Variants in PRKCH observed in about 807,000 individuals in gnomAD.
PRKCH encodes protein kinase C eta.
PRKCH carries 28 observed loss-of-function variants against 82.5 expected under a neutral mutation model. The ratio of observed to expected loss-of-function variants is 0.34; its 90% CI spans 0.25 to 0.47. The LOEUF (loss-of-function observed/expected upper bound fraction) is 0.47. PRKCH is among the 20% of genes least tolerant of loss of function. PRKCH has a pLI of 1.00. For synonymous variants in PRKCH, 322 were observed against 327.4 expected (o/e 0.98, Z 0.18); for missense variants, 705 against 881.8 (o/e 0.80, Z 2.54).
chr14:61,258,916 G>A (rs2045021878), intron 1 of PRKCH, among the ~76,000 whole-genome samples: 1 of 152,168 alleles, frequency 6.6e-6, no homozygotes, highest in Non-Finnish European at 1.5e-5. Flanking sequence ...GTTAGTCTCA[G>A]TGATTGTTAG....
intron 2 of PRKCH, among the ~76,000 whole-genome samples, chr14:61,400,054 A>G (rs1237871784): frequency 2.0e-5 from 3 of 152,206 alleles, no homozygotes; most frequent in East Asian, 3.8e-4. Flanking sequence ...GCAGTGCACA[A>G]TGGTGCAGAA....
intron 9 of PRKCH, among the ~76,000 whole-genome samples, chr14:61,473,348 G>A (rs948173665): frequency 6.6e-6 from 1 of 152,134 alleles, no homozygotes; most frequent in East Asian, 1.9e-4. Context: ...AAGTGAGGGA[G>A]TAACATAAGA....
intron 1 of PRKCH, among the ~76,000 whole-genome samples, chr14:61,288,094 A>G (rs1404621224): frequency 6.6e-6 from 1 of 152,196 alleles, no homozygotes; most frequent in African/African-American, 2.4e-5. Context: ...TCTAACAGCC[A>G]TAAACTAGGG....
chr14:61,341,279 G>A (rs1005749676), intron 1 of PRKCH, among the ~76,000 whole-genome samples: 19 of 152,160 alleles, frequency 1.2e-4, no homozygotes, highest in Non-Finnish European at 2.8e-4. Flanking sequence ...CTCTGCTCAT[G>A]TCTAATTCAC....
At chr14:61,210,997 T>C (rs1351254682) in intron 1 of PRKCH, among the ~76,000 whole-genome samples, 1 of 152,158 alleles carries the variant, frequency 6.6e-6, no homozygotes, top group Non-Finnish European at 1.5e-5. Flanking sequence ...GCATCTTGTG[T>C]TGGGGCAGCA....
chr14:61,374,108 C>T (rs1267635144), intron 1 of PRKCH, among the ~76,000 whole-genome samples: 2 of 152,100 alleles, frequency 1.3e-5, no homozygotes, highest in Admixed American at 6.5e-5. Context: ...GGCTACAGGC[C>T]CCATGCAAGT....
chr14:61,352,703 AAAGAAAG>A (rs2046097395), intron 1 of PRKCH, among the ~76,000 whole-genome samples: 2 of 148,498 alleles, frequency 1.3e-5, no homozygotes, highest in Admixed American at 1.3e-4. Context: ...AGAAAGAAAG[AAAGAAAG>A]AAAGAAAGAA....
intron 2 of PRKCH, among the ~76,000 whole-genome samples, chr14:61,425,413 A>G (rs1230160057): frequency 6.6e-6 from 1 of 152,208 alleles, no homozygotes; most frequent in Non-Finnish European, 1.5e-5. Flanking sequence ...ACATGGAGTC[A>G]AAGGAGATCA....
At chr14:61,233,704 G>A (rs1328820968) in intron 1 of PRKCH, among the ~76,000 whole-genome samples, 2 of 152,142 alleles carry the variant, frequency 1.3e-5, no homozygotes, top group Non-Finnish European at 2.9e-5. Context: ...AGATCTGATG[G>A]TTTTATAAGG....
At chr14:61,509,869 C>T (rs1887301231) in intron 10 of PRKCH, among the ~76,000 whole-genome samples, 1 of 152,070 alleles carries the variant, frequency 6.6e-6, no homozygotes, top group Non-Finnish European at 1.5e-5. Context: ...GAGCCAAGAT[C>T]GTGTCACTGC....
intron 12 of PRKCH, among the ~76,000 whole-genome samples, chr14:61,547,357 T>A (rs1393717497): frequency 1.3e-5 from 2 of 152,166 alleles, no homozygotes; most frequent in Admixed American, 6.5e-5. Flanking sequence ...GGCACAGCTG[T>A]TTCTGAAAGT....
upstream of PRKCH, among the ~76,000 whole-genome samples, chr14:61,319,770 G>A (rs79058181): frequency 1.4e-3 from 219 of 152,276 alleles, no homozygotes; most frequent in African/African-American, 5.1e-3. Flanking sequence ...GGAGCCCCCT[G>A]GACGTTTGGG....
chr14:61,480,981 C>T (rs1221199932), intron 9 of PRKCH, among the ~76,000 whole-genome samples: 4 of 152,092 alleles, frequency 2.6e-5, no homozygotes, highest in African/African-American at 9.7e-5. Flanking sequence ...GGAATTGACT[C>T]CTCTCAGAAG....
intron 10 of PRKCH, among the ~76,000 whole-genome samples, chr14:61,492,497 G>C (rs1886490059): frequency 6.6e-6 from 1 of 152,212 alleles, no homozygotes; most frequent in African/African-American, 2.4e-5. Flanking sequence ...CTCATCTGCT[G>C]TTTGCTTTCC....
rs112536178 is a variant in PRKCH, at chr14:61,424,233, T to C, written c.428-18878T>C. On this transcript the variant is annotated intron_variant, in intron 2 of 13. Transcript: ENST00000332981. ...AGAATGGACTAATATAGTAAATTGG[T>C]ACTGATAGAGTGGGGTACTGCTATA... Among the ~76,000 whole-genome samples, 458 of 152,330 alleles carry C rather than the reference T, an allele frequency of 3.0e-3. 2 individuals are homozygous for C. The highest frequency in any genetic ancestry group is 0.011 in the African/African-American group (450 of 41,564).
chr14:61,259,977 A>G (rs2045031999), intron 1 of PRKCH, among the ~76,000 whole-genome samples: 1 of 152,242 alleles, frequency 6.6e-6, no homozygotes, highest in Non-Finnish European at 1.5e-5. Context: ...GAGGGTTCAC[A>G]GATTTCACCA....
intron 9 of PRKCH, among the ~76,000 whole-genome samples, chr14:61,460,990 A>G (rs1280993612): frequency 6.6e-6 from 1 of 152,024 alleles, no homozygotes; most frequent in African/African-American, 2.4e-5. Context: ...AAGGAGATAC[A>G]TGGCTTGGAC....
chr14:61,236,710 C>CAAAAA lies in PRKCH; in HGVS notation c.-19+49059_-19+49063dup, dbSNP rs35185475. 9.9e-3 allele frequency among the ~76,000 whole-genome samples: 861 copies of CAAAAA among 86,992 alleles called. 13 individuals are homozygous for CAAAAA. Among genetic ancestry groups the CAAAAA allele is most frequent in the African/African-American group, 0.021 (404 of 19,042 alleles). The allele number at this position is 86,992 out of a possible 152,430, so 57.1% of individuals were successfully genotyped here. A position where few individuals can be genotyped will look rare whatever the true frequency, so the allele number is the denominator to read the frequency against. On this transcript the variant is annotated intron_variant, in intron 1 of 3. Coordinates refer to the PRKCH transcript ENST00000555185. ...CGACAGAGAAGACCCTGTCTCAAAA[C>CAAAAA]AAAAAAAAAAAAAAAAAAAAAGAAA...
At chr14:61,467,081 A>G (rs941051674) in intron 9 of PRKCH, among the ~76,000 whole-genome samples, 1 of 152,176 alleles carries the variant, frequency 6.6e-6, no homozygotes, top group Non-Finnish European at 1.5e-5. Context: ...ATTAAATATT[A>G]GCGAAGAAGT....
Sources: allele counts gnomAD v4.1 joint callset (sites outside exome capture counted in the v4.1 genomes callset), GRCh38; gene constraint gnomAD v4.1.1; transcripts MANE v1.5; gene names NCBI Gene and HGNC (gene_info 2026-07-23, HGNC 2026-07-21).